The following SLC35E4 variants were observed in gnomAD, a reference collection of about 807,000 sequenced individuals.
The protein encoded by SLC35E4 is solute carrier family 35 member E4.
In SLC35E4, 15 loss-of-function variants were observed where a neutral mutation model predicts 19.3. The observed-to-expected ratio is 0.78, with a 90% CI of 0.52 to 1.20. The LOEUF is 1.20. Ranked by LOEUF, SLC35E4 falls within the 50% of genes most tolerant of loss-of-function variation. The pLI, the probability that SLC35E4 is intolerant of heterozygous loss-of-function variation, is 0.00. For missense variants in SLC35E4, 406 were observed against 472.3 expected, an observed-to-expected ratio of 0.86 and a Z score of 1.30; for synonymous variants, 219 against 219.9, an observed-to-expected ratio of 1.00 and a Z score of 0.04.
intron 2 of SLC35E4, among the ~76,000 whole-genome samples, chr22:30,656,668 A>C (rs555083516): frequency 6.6e-6 from 1 of 152,318 alleles, no homozygotes; most frequent in South Asian, 2.1e-4. Flanking sequence ...TCTGAGTAAA[A>C]GGCTGCTCTA....
Position 30,636,096 on chromosome 22 carries a change from A to C in SLC35E4, c.-355A>C. The C allele has an allele frequency of 4.3e-6, 1 of 233,976 alleles. No individual in the cohort carries two copies. Among genetic ancestry groups the C allele is most frequent in the Non-Finnish European group, 8.3e-6 (1 of 119,862 alleles). The allele number at this position is 233,976 out of a possible 1,614,324, so 14.5% of individuals were successfully genotyped here. On this transcript the variant is annotated 5_prime_UTR_variant, in exon 1 of 2. Transcript: ENST00000343605. ...CGCACCCTAATGACCTGGGGACTGA[A>C]GAGAAAAAAGGAACGAGGATTTCAT... is the stretch of plus-strand genomic sequence containing the variant.
chr22:30,668,289 C>T (rs924314101), downstream of SLC35E4: 1 of 152,336 alleles, frequency 6.6e-6, no homozygotes, highest in South Asian at 2.1e-4. Flanking sequence ...ACCGAGCAGT[C>T]GTTGGTGCTC....
downstream of SLC35E4, among the ~76,000 whole-genome samples, chr22:30,651,399 G>GTGTGTA (rs1318231260): frequency 1.1e-3 from 65 of 61,316 alleles, no homozygotes; most frequent in Non-Finnish European, 1.4e-3. Flanking sequence ...GTGTGTGTGT[G>GTGTGTA]TATATATATA....
At chr22:30,654,579 TG>T in intron 2 of SLC35E4, 2 of 459,298 alleles carry the variant, frequency 4.4e-6, no homozygotes, top group South Asian at 1.6e-5. Context: ...AAGATGCGGC[TG>T]GGGACCCGGA....
downstream of SLC35E4, among the ~76,000 whole-genome samples, chr22:30,652,756 C>T (rs2088247774): frequency 6.6e-6 from 1 of 152,202 alleles, no homozygotes; most frequent in South Asian, 2.1e-4. Flanking sequence ...TTGGTGTCCA[C>T]CAAAGTGAGT....
chr22:30,643,924 C>T (rs2088086315), intron 1 of SLC35E4, among the ~76,000 whole-genome samples: 1 of 152,196 alleles, frequency 6.6e-6, no homozygotes, highest in Non-Finnish European at 1.5e-5. Flanking sequence ...CCGCCTCTGA[C>T]AGCGAATGGC....
intron 2 of SLC35E4, among the ~76,000 whole-genome samples, chr22:30,653,246 C>A (rs1726830184): frequency 6.6e-6 from 1 of 152,170 alleles, no homozygotes. Context: ...AGCCTACCCC[C>A]ACTGCCCTGA....
rs2088144556 is a variant in SLC35E4 at position 30,647,001 on chromosome 22, G to A, written c.1023G>A (p.Trp341Ter). Residue 341 changes from tryptophan (W) to a stop codon, truncating the protein, a stop_gained, in exon 2 of 2, where the codon TGG becomes TGA. Transcript: ENST00000343605. LOFTEE classifies it high-confidence loss of function. ...VASWAARRGL[W>*]RRDQPSKGL Reference sequence around the variant, plus strand: ...CCTGGGCTGCCCGTCGGGGGCTGTGGCGGAGGGACCAGCCCAGCAAGGGTC... The same window carrying A: ...CCTGGGCTGCCCGTCGGGGGCTGTGACGGAGGGACCAGCCCAGCAAGGGTC... 6.2e-7 allele frequency: 1 copy of A among 1,610,982 alleles called. No homozygotes were observed. Among genetic ancestry groups the A allele is most frequent in the Admixed American group, 1.7e-5 (1 of 59,916 alleles).
At chr22:30,659,230 A>C (rs886180971) in intron 2 of SLC35E4, among the ~76,000 whole-genome samples, 2 of 152,164 alleles carry the variant, frequency 1.3e-5, no homozygotes, top group Non-Finnish European at 2.9e-5. Context: ...CTGCCTCCTA[A>C]AACAAAAACC....
chr22:30,646,732 T>A lies in SLC35E4; in HGVS notation c.754T>A (p.Ser252Thr), dbSNP rs766572086. The change falls in exon 2 of 2, where the codon TCT (serine) becomes ACT (threonine). Residue 252 changes from serine (S) to threonine (T), a missense_variant. Ser to Thr is a moderately conservative substitution (Grantham distance 58). Transcript: ENST00000343605. The stretch of plus-strand genomic sequence containing the variant: ...TGCCCCACCGCCCACTGCTGGCGAC[T>A]CTCGCCTCTGGGCCTGCATCCTGCT... ...GVAPPPTAGD[S>T]RLWACILLSC... 4 of 1,613,408 alleles carry A rather than the reference T, an allele frequency of 2.5e-6. No individual in the cohort carries two copies. In the Admixed American group the frequency reaches 6.7e-5, roughly 27 times the overall value.
Position 30,636,930 on chromosome 22 carries a change from C to T in SLC35E4, c.480C>T (p.His160=), listed in dbSNP as rs1161522883. 2 of 1,612,206 alleles carry T rather than the reference C, an allele frequency of 1.2e-6. No individual in the cohort carries two copies. Among genetic ancestry groups the T allele is most frequent in the Admixed American group, 1.7e-5 (1 of 59,942 alleles). ...LSALLLGRRH[H]PLQLAAMGPL... Reference sequence around the variant, plus strand: ...CGCTGCTGCTGGGCCGCCGCCACCACCCACTTCAGTTGGCCGCCATGGGTC... The same window carrying T: ...CGCTGCTGCTGGGCCGCCGCCACCATCCACTTCAGTTGGCCGCCATGGGTC... Residue 160 remains histidine, a synonymous_variant, in exon 1 of 2, where the codon CAC becomes CAT. Coordinates refer to ENST00000343605, the MANE Select transcript of SLC35E4 (RefSeq NM_001001479.4).
intron 1 of SLC35E4, among the ~76,000 whole-genome samples, chr22:30,643,403 G>A (rs1020755342): frequency 2.6e-5 from 4 of 152,236 alleles, no homozygotes; most frequent in African/African-American, 7.2e-5. Context: ...AGGCTATCTA[G>A]GGGAAGAGAC....
At chr22:30,657,297 ACACACACAC>A (rs1569065177) in intron 2 of SLC35E4, among the ~76,000 whole-genome samples, 16 of 149,526 alleles carry the variant, frequency 1.1e-4, no homozygotes, top group African/African-American at 2.7e-4. Flanking sequence ...ACACACACAC[ACACACACAC>A]AAATTAGCCG....
chr22:30,645,244 G>A (rs1208036767), intron 1 of SLC35E4, among the ~76,000 whole-genome samples: 2 of 152,144 alleles, frequency 1.3e-5, no homozygotes, highest in East Asian at 3.9e-4. Flanking sequence ...GGAGTGATAG[G>A]GGCTGAGGCG....
chr22:30,663,428 T>C (rs756496468), downstream of SLC35E4: 2 of 1,599,940 alleles, frequency 1.3e-6, no homozygotes, highest in Non-Finnish European at 8.6e-7. Flanking sequence ...CAGGGGCTCG[T>C]GGGATGGCTC....
chr22:30,661,448 T>TC (rs1243872942), intron 2 of SLC35E4: 1 of 150,380 alleles, frequency 6.6e-6, no homozygotes, highest in Non-Finnish European at 1.5e-5. Flanking sequence ...CTTTTTCTTT[T>TC]TTTTTTTTTT....
intron 1 of SLC35E4, among the ~76,000 whole-genome samples, chr22:30,645,874 G>A (rs1416997346): frequency 6.8e-6 from 1 of 147,736 alleles, no homozygotes; most frequent in Non-Finnish European, 1.5e-5. Flanking sequence ...AGGCTGGAGT[G>A]CAGTGGTGCA....
At chr22:30,643,353 G>A (rs1304484881) in intron 1 of SLC35E4, among the ~76,000 whole-genome samples, 2 of 152,232 alleles carry the variant, frequency 1.3e-5, no homozygotes, top group Admixed American at 6.5e-5. Context: ...GTGGTCACAC[G>A]TGTTGGGGAG....
At chr22:30,653,538 A>G (rs1291659396) in intron 2 of SLC35E4, among the ~76,000 whole-genome samples, 1 of 151,564 alleles carries the variant, frequency 6.6e-6, no homozygotes, top group Non-Finnish European at 1.5e-5. Flanking sequence ...TGCCCGGCTA[A>G]TTTTTTTGTA....
Sources: gnomAD v4.1 joint callset for allele counts (sites outside exome capture counted in the v4.1 genomes callset) on GRCh38, gnomAD v4.1.1 for gene constraint, MANE v1.5 for transcripts, NCBI Gene and HGNC (gene_info 2026-07-23, HGNC 2026-07-21) for gene names.